The following GRIP1 variants were observed in gnomAD, a reference collection of about 807,000 sequenced individuals.
The protein encoded by GRIP1 is glutamate receptor-interacting protein 1.
Under a neutral mutation model 129.9 loss-of-function variants are expected in GRIP1, and 45 were observed. The observed-to-expected ratio is 0.35, with a 90% confidence interval of 0.27 to 0.44. The LOEUF (loss-of-function observed/expected upper bound fraction) is 0.44, where lower values mean the gene tolerates loss of function less well. Among genes scored for constraint, GRIP1 ranks in the 20% least tolerant of loss-of-function variants. The pLI is 1.00. For missense variants in GRIP1, 1,196 were observed against 1,396.8 expected, an observed-to-expected ratio of 0.86 and a Z score of 2.29; for synonymous variants, 530 against 520.8, an observed-to-expected ratio of 1.02 and a Z score of -0.24.
chr12:66,445,585 T>C (rs886163551), intron 11 of GRIP1, 77 bp from the exon 12 acceptor site: 11 of 1,019,122 alleles, frequency 1.1e-5, no homozygotes, highest in African/African-American at 4.8e-5. Flanking sequence ...AAATAGATCA[T>C]GTCTCTGCAT....
intron 9 of GRIP1, among the ~76,000 whole-genome samples, chr12:66,459,804 C>T (rs577651598): frequency 2.6e-5 from 4 of 152,298 alleles, no homozygotes; most frequent in African/African-American, 9.6e-5. Flanking sequence ...TTTGAATGTA[C>T]ACTCCAAATG....
chr12:66,686,216 T>C (rs2034778699), intron 1 of GRIP1, among the ~76,000 whole-genome samples: 1 of 152,178 alleles, frequency 6.6e-6, no homozygotes, highest in South Asian at 2.1e-4. Context: ...TTCCTGGTGC[T>C]TCTGACAAGA....
intron 7 of GRIP1, among the ~76,000 whole-genome samples, chr12:66,494,860 G>A (rs1046767320): frequency 2.6e-5 from 4 of 152,126 alleles, no homozygotes; most frequent in African/African-American, 9.7e-5. Flanking sequence ...CAGCCAGGGT[G>A]ACAGAGCAGG....
chr12:66,570,908 A>G (rs1160629982), intron 2 of GRIP1: 1 of 152,174 alleles, frequency 6.6e-6, no homozygotes, highest in African/African-American at 2.4e-5. Context: ...TCTCACAGAA[A>G]CCCAGGATCC....
intron 1 of GRIP1, among the ~76,000 whole-genome samples, chr12:66,707,340 ACTTATTTTG>A (rs1451406918): frequency 6.6e-6 from 1 of 151,864 alleles, no homozygotes; most frequent in African/African-American, 2.4e-5. Flanking sequence ...TGATTTACAC[ACTTATTTTG>A]ACAGGTTAAA....
At chr12:66,861,784 G>A (rs773577574) in intron 1 of GRIP1, among the ~76,000 whole-genome samples, 3 of 151,984 alleles carry the variant, frequency 2.0e-5, no homozygotes, top group Non-Finnish European at 4.4e-5. Context: ...TCTGAAAACA[G>A]GCTCCTCTTG....
intron 1 of GRIP1, among the ~76,000 whole-genome samples, chr12:66,902,949 T>C (rs1323971749): frequency 6.6e-6 from 1 of 152,226 alleles, no homozygotes; most frequent in Non-Finnish European, 1.5e-5. Context: ...AATTAGTTGC[T>C]AAATTCTGTT....
intron 1 of GRIP1, among the ~76,000 whole-genome samples, chr12:66,837,116 C>T (rs1446197125): frequency 6.6e-6 from 1 of 152,174 alleles, no homozygotes; most frequent in Non-Finnish European, 1.5e-5. Flanking sequence ...CTGCTCATGG[C>T]TTTTCTCTTT....
chr12:66,469,593 C>T lies in GRIP1; in HGVS notation c.725-4171G>A, dbSNP rs564998855. ...AGAAGTTTCCAGGGCACAACTACAA[C>T]TTTCTAGCAAGATTCTATCATAGTA... On this transcript the variant is annotated intron_variant, in intron 7 of 24. Transcript: ENST00000359742. Among the ~76,000 whole-genome samples, 22 of 152,236 alleles carry T rather than the reference C, an allele frequency of 1.4e-4. No individual in the cohort carries two copies. The South Asian group carries it at 4.4e-3, about 30-fold the overall frequency.
chr12:66,999,790 T>A (rs1051916706), intron 1 of GRIP1, among the ~76,000 whole-genome samples: 27 of 152,150 alleles, frequency 1.8e-4, no homozygotes, highest in Non-Finnish European at 2.9e-4. Context: ...CATGGTTCCA[T>A]CTACTTATAC....
intron 1 of GRIP1, among the ~76,000 whole-genome samples, chr12:66,744,063 T>C (rs1048993666): frequency 6.6e-6 from 1 of 152,208 alleles, no homozygotes; most frequent in Non-Finnish European, 1.5e-5. Flanking sequence ...ACTATGAGCA[T>C]GCTCTCTAGA....
At chr12:66,806,378 T>C (rs1357345626), upstream of GRIP1, among the ~76,000 whole-genome samples, 3 of 152,192 alleles carry the variant, frequency 2.0e-5, no homozygotes, top group Non-Finnish European at 4.4e-5. Context: ...GAAAAAATTG[T>C]CAACTTTCAT....
At position 66,464,842 on chromosome 12, in the gene GRIP1, G is replaced by A. The variant is rs1336880385; in HGVS notation, c.872+433C>T. On this transcript the variant is annotated intron_variant, in intron 8 of 24. Transcript: ENST00000359742. ...ACTGTGTGTGTGTGTGTGTGTATGTGTATATGCATGTGTATATGTGTATTA... is the reference window on the plus strand; with the variant it reads ...ACTGTGTGTGTGTGTGTGTGTATGTATATATGCATGTGTATATGTGTATTA... Among the ~76,000 whole-genome samples the A allele has an allele frequency of 1.2e-4, 18 of 151,126 alleles. No individual in the cohort carries two copies. The South Asian group carries it at 3.8e-3, about 32-fold the overall frequency.
intron 1 of GRIP1, among the ~76,000 whole-genome samples, chr12:66,818,434 T>C (rs967223078): frequency 6.6e-6 from 1 of 152,216 alleles, no homozygotes; most frequent in African/African-American, 2.4e-5. Flanking sequence ...ATTCATCTTG[T>C]TCATTTTTGA....
At chr12:66,738,783 G>A (rs2036694028) in intron 1 of GRIP1, among the ~76,000 whole-genome samples, 1 of 152,184 alleles carries the variant, frequency 6.6e-6, no homozygotes, top group Admixed American at 6.5e-5. Context: ...GTTAAGTATG[G>A]AGAATAAAGG....
At chr12:66,595,334 T>C (rs1313947575) in intron 2 of GRIP1, among the ~76,000 whole-genome samples, 1 of 152,192 alleles carries the variant, frequency 6.6e-6, no homozygotes, top group South Asian at 2.1e-4. Context: ...TTTATGACTT[T>C]AAGAAAAAGG....
chr12:66,397,110 CAAAAAAAAAA>C (rs71436004), intron 16 of GRIP1, among the ~76,000 whole-genome samples: 30 of 60,218 alleles, frequency 5.0e-4, no homozygotes, highest in African/African-American at 1.1e-3. Context: ...GACTCTGTCT[CAAAAAAAAAA>C]AAAAAAAAAA....
chr12:66,777,074 G>A (rs2038005174), intron 1 of GRIP1, among the ~76,000 whole-genome samples: 1 of 152,168 alleles, frequency 6.6e-6, no homozygotes, highest in South Asian at 2.1e-4. Flanking sequence ...TACATCCTCT[G>A]TACCACAGGA....
intron 1 of GRIP1, among the ~76,000 whole-genome samples, chr12:66,848,340 G>C (rs1271406479): frequency 2.6e-5 from 4 of 151,870 alleles, no homozygotes; most frequent in Admixed American, 2.6e-4. Flanking sequence ...ACTTCAACAA[G>C]AAGTTACTGC....
Sources: gnomAD v4.1 joint callset for allele counts (sites outside exome capture counted in the v4.1 genomes callset) on GRCh38, gnomAD v4.1.1 for gene constraint, MANE v1.5 for transcripts, NCBI Gene and HGNC (gene_info 2026-07-23, HGNC 2026-07-21) for gene names.